Variants in THBS4 observed in about 807,000 individuals in gnomAD.
The protein encoded by THBS4 is thrombospondin 4, also known as thrombospondin-4.
THBS4 carries 90 observed loss-of-function variants against 115.7 expected under a neutral mutation model. That is an observed-to-expected ratio of 0.78 (90% CI 0.66 to 0.93). The LOEUF (loss-of-function observed/expected upper bound fraction) is 0.93. Among genes scored for constraint, THBS4 ranks in the 40% least tolerant of loss-of-function variants. THBS4 has a pLI of 0.00. For missense variants in THBS4, 1,087 were observed against 1,232.7 expected (o/e 0.88, Z 1.77); for synonymous variants, 460 against 479.3 (o/e 0.96, Z 0.53).
chr5:80,018,866 T>C (rs1262682213), intron 2 of THBS4, among the ~76,000 whole-genome samples: 1 of 152,212 alleles, frequency 6.6e-6, no homozygotes, highest in Non-Finnish European at 1.5e-5. Flanking sequence ...CTCTGGCTCT[T>C]ACTTGGTGTG....
In THBS4 at chr5:80,082,631, C is replaced by A. The variant is rs979640679; in HGVS notation, c.2824+86C>A. 134 of 1,536,830 alleles carry A rather than the reference C, an allele frequency of 8.7e-5. 1 individual carries two copies. Among genetic ancestry groups the A allele is most frequent in the South Asian group, 7.0e-4 (58 of 83,332 alleles). On this transcript the variant is annotated intron_variant, in intron 21 of 21. Transcript: ENST00000350881. ...TTATTTTTATACCGCACTTCCCCCC[C>A]AAAAGCCCAACGCTCATACCACATA...
At chr5:80,002,834 G>A (rs1377646234) in intron 2 of THBS4, among the ~76,000 whole-genome samples, 1 of 150,198 alleles carries the variant, frequency 6.7e-6, no homozygotes, top group Non-Finnish European at 1.5e-5. Flanking sequence ...GAACAAAATA[G>A]CATTGATGGT....
chr5:80,004,396 ATC>A (rs1831974053), intron 2 of THBS4, among the ~76,000 whole-genome samples: 1 of 152,176 alleles, frequency 6.6e-6, no homozygotes, highest in African/African-American at 2.4e-5. Context: ...GACCTGGAAC[ATC>A]TCTCTGTGTT....
In THBS4 at chr5:80,059,859, C is replaced by T. The variant is rs1037811636; in HGVS notation, c.941C>T (p.Pro314Leu). 1 of 1,614,088 alleles carries T rather than the reference C, an allele frequency of 6.2e-7. No individual in the cohort carries two copies. The highest frequency in any genetic ancestry group is 8.5e-7 in the Non-Finnish European group (1 of 1,180,024). ...GATGGCTTCCAGTGTGGGCCCTGCC[C>T]CGAGGGCTACACAGGAAACGGGATC... ...SRDGFQCGPC[P>L]EGYTGNGITC... The change falls in exon 7 of 22, where the codon CCC becomes CTC. Residue 314 changes from proline (P) to leucine (L), a missense_variant. Transcript: ENST00000350881.
upstream of THBS4, among the ~76,000 whole-genome samples, chr5:80,032,446 G>A (rs941638548): frequency 6.6e-6 from 1 of 152,154 alleles, no homozygotes; most frequent in African/African-American, 2.4e-5. Context: ...GATAGGAAGG[G>A]GAGTTTATTA....
At chr5:80,027,292 G>A (rs566339316) in intron 2 of THBS4, among the ~76,000 whole-genome samples, 57 of 152,148 alleles carry the variant, frequency 3.7e-4, no homozygotes, top group Admixed American at 1.2e-3. Flanking sequence ...AGCTACAAGA[G>A]CAGAATCCCC....
intron 2 of THBS4, among the ~76,000 whole-genome samples, chr5:80,048,107 C>G (rs1285486375): frequency 1.3e-5 from 2 of 151,888 alleles, no homozygotes; most frequent in Non-Finnish European, 2.9e-5. Context: ...AGGGCAAGCT[C>G]TTGTTTCAAA....
At chr5:80,082,071 A>G in intron 20 of THBS4, 1 of 237,400 alleles carries the variant, frequency 4.2e-6, no homozygotes, top group Non-Finnish European at 8.1e-6. Context: ...TTTCTCACTC[A>G]AGATAGCAGG....
intron 2 of THBS4, among the ~76,000 whole-genome samples, chr5:80,003,792 A>G (rs1831959013): frequency 6.6e-6 from 1 of 152,194 alleles, no homozygotes; most frequent in African/African-American, 2.4e-5. Flanking sequence ...ATTTACATGC[A>G]AGTTGTCTGC....
chr5:80,051,198 G>A (rs1833244141), intron 2 of THBS4, among the ~76,000 whole-genome samples: 1 of 152,174 alleles, frequency 6.6e-6, no homozygotes, highest in Non-Finnish European at 1.5e-5. Flanking sequence ...AGAAGGTGAG[G>A]AAAACTCGCA....
rs768532740 is a variant in THBS4, at chr5:80,079,889, TTG to T, written c.2512-12_2512-11del. ...CCTGTGTCCTGTCCTAAAACCTTGC[TTG>T]TGTCATCATGCAGGCTGTGAAGTCT... is the stretch of plus-strand genomic sequence containing the variant. On this transcript the variant is annotated splice_polypyrimidine_tract_variant and intron_variant, in intron 19 of 21. Transcript: ENST00000350881. 6.2e-7 allele frequency: 1 copy of T among 1,613,312 alleles called. No homozygotes were observed. The highest frequency in any genetic ancestry group is 1.7e-5 in the Admixed American group (1 of 60,002).
intron 2 of THBS4, among the ~76,000 whole-genome samples, chr5:80,015,468 G>A (rs1247074517): frequency 1.3e-5 from 2 of 152,200 alleles, no homozygotes; most frequent in East Asian, 3.9e-4. Context: ...CACCTTTGAG[G>A]GCAGTGAGAT....
At chr5:79,995,966 C>A (rs1831783671) in intron 1 of THBS4, among the ~76,000 whole-genome samples, 1 of 112,112 alleles carries the variant, frequency 8.9e-6, no homozygotes, top group South Asian at 3.3e-4. Flanking sequence ...AAAACACAAT[C>A]TCTACTAAAA....
chr5:80,006,981 T>C lies in THBS4; in HGVS notation n.177+8554T>C, dbSNP rs77342496. 4.8e-3 allele frequency among the ~76,000 whole-genome samples: 738 copies of C among 152,342 alleles called. 6 individuals carry two copies. The highest frequency in any genetic ancestry group is 0.016 in the African/African-American group (649 of 41,572). On this transcript the variant is annotated intron_variant and non_coding_transcript_variant, in intron 2 of 3. Transcript: ENST00000510218. ...AGCACCAACTATGTGCCAGGCACTC[T>C]TCTAGATGCCTGAGGTGCATAAATG...
At chr5:80,062,365 T>C (rs1833664252) in intron 8 of THBS4, among the ~76,000 whole-genome samples, 1 of 152,252 alleles carries the variant, frequency 6.6e-6, no homozygotes, top group African/African-American at 2.4e-5. Context: ...TACTATATTC[T>C]GGTCATTATT....
At chr5:80,077,620 G>C (rs1342193162) in intron 16 of THBS4, among the ~76,000 whole-genome samples, 1 of 152,180 alleles carries the variant, frequency 6.6e-6, no homozygotes, top group Non-Finnish European at 1.5e-5. Context: ...ACACACACGT[G>C]GGGGCCACCA....
At chr5:80,022,708 G>A (rs1183843914) in intron 2 of THBS4, among the ~76,000 whole-genome samples, 3 of 152,150 alleles carry the variant, frequency 2.0e-5, no homozygotes, top group Non-Finnish European at 1.5e-5. Flanking sequence ...TATGAAGATA[G>A]GCCAGATCAT....
intron 3 of THBS4, among the ~76,000 whole-genome samples, chr5:80,057,984 A>G (rs745358396): frequency 6.6e-5 from 10 of 152,230 alleles, no homozygotes; most frequent in Non-Finnish European, 1.3e-4. Context: ...CTTGGTGACA[A>G]TGCCAGCATT....
intron 13 of THBS4, 46 bp downstream of exon 13, chr5:80,071,226 T>G (rs1360471969): frequency 1.3e-6 from 2 of 1,537,924 alleles, no homozygotes; most frequent in Non-Finnish European, 1.7e-6. Context: ...TCAGTTGACC[T>G]TGTTCCATTG....
Sources: gnomAD v4.1 joint callset for allele counts (sites outside exome capture counted in the v4.1 genomes callset) on GRCh38, gnomAD v4.1.1 for gene constraint, MANE v1.5 for transcripts, NCBI Gene and HGNC (gene_info 2026-07-23, HGNC 2026-07-21) for gene names.